The following SCN2A variants were observed in gnomAD, a reference collection of about 807,000 sequenced individuals.
SCN2A encodes sodium voltage-gated channel alpha subunit 2.
SCN2A carries 20 observed loss-of-function variants against 188.7 expected under a neutral mutation model. That is an observed-to-expected ratio of 0.11 (90% CI 0.07 to 0.15). The LOEUF (loss-of-function observed/expected upper bound fraction) is 0.15, where lower values mean the gene tolerates loss of function less well. Ranked by LOEUF, SCN2A falls within the 10% of genes least tolerant of loss-of-function variation. SCN2A has a pLI of 1.00. For missense variants in SCN2A, 1,278 were observed against 2,445.0 expected, an observed-to-expected ratio of 0.52 and a Z score of 10.07; for synonymous variants, 804 against 833.1, an observed-to-expected ratio of 0.97 and a Z score of 0.60.
In SCN2A at chr2:165,391,494, T is replaced by C. The variant is rs1702122008; in HGVS notation, c.*1670T>C. The C allele has an allele frequency of 6.6e-6, 1 of 152,542 alleles. No homozygotes were observed. Among genetic ancestry groups the C allele is most frequent in the South Asian group, 2.1e-4 (1 of 4,838 alleles). 9.4% of individuals were successfully genotyped at this position (152,542 alleles called of 1,614,324 possible). On this transcript the variant is annotated 3_prime_UTR_variant, in exon 27 of 27. Coordinates refer to ENST00000375437, the MANE Select transcript of SCN2A (RefSeq NM_001040142.2). ...AGTTTCTGTTCCTAGCACTTTTAAA[T>C]TGAAGCACTTCACAAAATAAGAAGC...
Position 165,288,432 on chromosome 2 carries a change from T to A in SCN2A, c.-51-7341T>A, listed in dbSNP as rs188795678. 5.0e-3 allele frequency among the ~76,000 whole-genome samples: 757 copies of A among 150,222 alleles called. 2 individuals carry two copies. The highest frequency in any genetic ancestry group is 0.012 in the East Asian group (62 of 5,170). The stretch of plus-strand genomic sequence containing the variant: ...TCTATTTTAAGTAGTTTCTAAATAA[T>A]TTTTTTTTATTTCAAGAAAGAGAAA... On this transcript the variant is annotated intron_variant, in intron 1 of 26. Transcript: ENST00000375437.
intron 1 of SCN2A, among the ~76,000 whole-genome samples, chr2:165,283,665 T>G (rs1411471725): frequency 6.6e-6 from 1 of 152,176 alleles, no homozygotes; most frequent in East Asian, 1.9e-4. Flanking sequence ...TCTATAAACA[T>G]CTTAGGTATA....
intron 1 of SCN2A, among the ~76,000 whole-genome samples, chr2:165,263,927 T>C (rs1207562706): frequency 6.6e-6 from 1 of 152,010 alleles, no homozygotes; most frequent in Non-Finnish European, 1.5e-5. Flanking sequence ...GTTGAGTTCT[T>C]GATTTGATTC....
chr2:165,306,686 T>C (rs1697159430), intron 3 of SCN2A, among the ~76,000 whole-genome samples: 1 of 152,142 alleles, frequency 6.6e-6, no homozygotes, highest in African/African-American at 2.4e-5. Flanking sequence ...TAATAATTAT[T>C]ATTATTGTTT....
intron 1 of SCN2A, among the ~76,000 whole-genome samples, chr2:165,254,285 A>T (rs1475728387): frequency 6.6e-6 from 1 of 151,408 alleles, no homozygotes; most frequent in East Asian, 1.9e-4. Context: ...CCATTTTTTC[A>T]TTACTATTTT....
intron 1 of SCN2A, chr2:165,274,003 G>A (rs1194652602): frequency 6.6e-6 from 1 of 152,144 alleles, no homozygotes; most frequent in East Asian, 1.9e-4. Flanking sequence ...TCTGACATAT[G>A]TGGGCTCCTG....
intron 23 of SCN2A, among the ~76,000 whole-genome samples, chr2:165,380,097 C>G (rs767893592): frequency 6.6e-6 from 1 of 151,848 alleles, no homozygotes; most frequent in Non-Finnish European, 1.5e-5. Context: ...GCAATTACTA[C>G]TGGCCGCCAC....
intron 1 of SCN2A, chr2:165,286,164 A>G (rs1238464283): frequency 6.6e-6 from 1 of 152,332 alleles, no homozygotes; most frequent in African/African-American, 2.4e-5. Context: ...TATGAGCATG[A>G]AGTACCTCTT....
At chr2:165,300,549 G>T (rs1237608501) in intron 3 of SCN2A, among the ~76,000 whole-genome samples, 1 of 152,272 alleles carries the variant, frequency 6.6e-6, no homozygotes, top group East Asian at 1.9e-4. Context: ...GAGATCCGAA[G>T]GAAGCAAAAG....
intron 1 of SCN2A, chr2:165,273,725 A>G (rs1695202111): frequency 6.6e-6 from 1 of 152,152 alleles, no homozygotes; most frequent in African/African-American, 2.4e-5. Context: ...CCAAATGATG[A>G]TGCTTTGCTT....
At chr2:165,329,284 A>G (rs944469940) in intron 13 of SCN2A, among the ~76,000 whole-genome samples, 2 of 152,118 alleles carry the variant, frequency 1.3e-5, no homozygotes, top group Non-Finnish European at 2.9e-5. Flanking sequence ...ATCACATAGA[A>G]ATGTTTTCTG....
intron 1 of SCN2A, among the ~76,000 whole-genome samples, chr2:165,282,543 A>G (rs1171561430): frequency 2.0e-5 from 3 of 152,214 alleles, no homozygotes; most frequent in African/African-American, 7.2e-5. Context: ...TATGTTGCAT[A>G]ATCTTTTAAT....
At chr2:165,365,079 T>A in intron 17 of SCN2A, 64 bp from the exon 18 acceptor site, 1 of 1,453,888 alleles carries the variant, frequency 6.9e-7, no homozygotes, top group Non-Finnish European at 9.5e-7. Context: ...GCACACCTAA[T>A]TAATTTTTAT....
intron 1 of SCN2A, among the ~76,000 whole-genome samples, chr2:165,261,744 G>C (rs1165420823): frequency 6.6e-6 from 1 of 152,034 alleles, no homozygotes; most frequent in African/African-American, 2.4e-5. Context: ...TAGTCACTCT[G>C]CATCACTGTG....
At chr2:165,322,630 C>T (rs1248546508) in intron 11 of SCN2A, among the ~76,000 whole-genome samples, 1 of 152,064 alleles carries the variant, frequency 6.6e-6, no homozygotes, top group African/African-American at 2.4e-5. Context: ...GAAGCTGCCC[C>T]GTGTACTATA....
intron 17 of SCN2A, among the ~76,000 whole-genome samples, chr2:165,355,481 C>G (rs1472062992): frequency 6.6e-6 from 1 of 152,098 alleles, no homozygotes; most frequent in Non-Finnish European, 1.5e-5. Context: ...GAATTTAAAA[C>G]CTTGATATTT....
intron 1 of SCN2A, among the ~76,000 whole-genome samples, chr2:165,287,361 C>T (rs1695891280): frequency 6.6e-6 from 1 of 152,126 alleles, no homozygotes; most frequent in Non-Finnish European, 1.5e-5. Context: ...TGTGCATGCT[C>T]ACTTGAGGCA....
In SCN2A at chr2:165,381,205, T is replaced by A. The variant is rs1064797263; in HGVS notation, c.4551+8T>A. On this transcript the variant is annotated splice_region_variant and intron_variant, in intron 25 of 26. Coordinates refer to ENST00000375437, the MANE Select transcript of SCN2A (RefSeq NM_001040142.2). ...CCCATACCTCGACCTGCTGTAAGAA[T>A]AACATATTTTCATTGCCTGTTAAAA... 6.5e-7 allele frequency: 1 copy of A among 1,546,794 alleles called. No individual in the cohort carries two copies. The highest frequency in any genetic ancestry group is 8.8e-7 in the Non-Finnish European group (1 of 1,134,472).
chr2:165,272,214 A>G (rs925821524), intron 1 of SCN2A: 4 of 152,152 alleles, frequency 2.6e-5, no homozygotes, highest in African/African-American at 9.6e-5. Flanking sequence ...TGATATGGCT[A>G]TATGAATATC....
Sources: allele counts gnomAD v4.1 joint callset (sites outside exome capture counted in the v4.1 genomes callset), GRCh38; gene constraint gnomAD v4.1.1; transcripts MANE v1.5; gene names NCBI Gene and HGNC (gene_info 2026-07-23, HGNC 2026-07-21).